LAMA5: variants seen among roughly 807,000 people sequenced by gnomAD.
LAMA5 encodes the protein laminin subunit alpha 5.
LAMA5 carries 260 observed loss-of-function variants against 433.4 expected under a neutral mutation model. The observed-to-expected ratio is 0.60, with a 90% CI of 0.54 to 0.66. The LOEUF (loss-of-function observed/expected upper bound fraction) is 0.66, where lower values mean the gene tolerates loss of function less well. Ranked by LOEUF, LAMA5 falls within the 30% of genes least tolerant of loss-of-function variation. The pLI is 0.00. For synonymous variants in LAMA5, 2,620 were observed against 2,226.6 expected (o/e 1.18, Z -4.97); for missense variants, 5,378 against 5,258.5 (o/e 1.02, Z -0.70).
chr20:62,341,845 A>AAG (rs1982644076), intron 11 of LAMA5, among the ~76,000 whole-genome samples: 1 of 144,870 alleles, frequency 6.9e-6, no homozygotes, highest in African/African-American at 2.5e-5. Flanking sequence ...AAAAAAAAAA[A>AAG]AAGAAGAAGA....
At chr20:62,352,204 C>T in intron 4 of LAMA5, 38 bp downstream of exon 4, 3 of 1,568,928 alleles carry the variant, frequency 1.9e-6, no homozygotes, top group Non-Finnish European at 2.6e-6. Context: ...CCTCTCCGTT[C>T]TCCAGCCCCC....
rs143451158 is a variant in LAMA5, at chr20:62,334,264, G to A, written c.2661C>T (p.His887=). 64 of 1,612,690 alleles carry A rather than the reference G, an allele frequency of 4.0e-5. No homozygotes were observed. The highest frequency in any genetic ancestry group is 3.3e-4 in the African/African-American group (25 of 75,036). The part of the protein sequence containing the change: ...ELEEAATPEG[H]AVRFGFNPLE... Reference sequence around the variant, plus strand: ...GGGGGTTGAAGCCAAAGCGCACGGCGTGACCCTCAGGTGTGGCAGCCTCCT... The same window carrying A: ...GGGGGTTGAAGCCAAAGCGCACGGCATGACCCTCAGGTGTGGCAGCCTCCT... Residue 887 remains histidine (H), a synonymous_variant, in exon 22 of 80, where the codon CAC becomes CAT. Transcript: ENST00000252999.
At position 62,317,670 on chromosome 20, in the gene LAMA5, C is replaced by A; in HGVS notation, c.7348G>T (p.Ala2450Ser). The A allele has an allele frequency of 6.3e-7, 1 of 1,586,114 alleles. No individual in the cohort carries two copies. Among genetic ancestry groups the A allele is most frequent in the Non-Finnish European group, 8.6e-7 (1 of 1,167,206 alleles). Residue 2450 changes from alanine to serine, a missense_variant, in exon 54 of 80, where the codon GCT becomes TCT. Physicochemically the swap from Ala to Ser is moderately conservative, Grantham distance 99 (BLOSUM62 1). Coordinates refer to ENST00000252999, the MANE Select transcript of LAMA5 (RefSeq NM_005560.6). ...CCAGGGGCTGCACTCACCTCCTTAG[C>A]CTGGTCCAGGCTGTGCAGCAATCTG... The part of the protein sequence containing the change: ...VFRLLHSLDQ[A>S]KEELERLAAS...
chr20:62,309,466 G>A lies in LAMA5; in HGVS notation c.10958C>T (p.Ala3653Val). Reference protein sequence around the residue: ...LYLGGLPEPMAVQPWPPAYCG... With the variant: ...LYLGGLPEPMVVQPWPPAYCG... Reference sequence around the variant, plus strand: ...GTAGGCGGGGGGCCAGGGCTGCACGGCCATGGGCTCTGGGGGCACAGGGAA... The same window carrying A: ...GTAGGCGGGGGGCCAGGGCTGCACGACCATGGGCTCTGGGGGCACAGGGAA... Residue 3653 changes from alanine to valine, a missense_variant, in exon 80 of 80, where the codon GCC becomes GTC. Ala to Val is a moderately conservative substitution (Grantham distance 64). Transcript: ENST00000252999. 6.3e-7 allele frequency: 1 copy of A among 1,580,354 alleles called. No homozygotes were observed.
chr20:62,309,359 C>T lies in LAMA5; in HGVS notation c.11065G>A (p.Ala3689Thr). 2 of 1,589,624 alleles carry T rather than the reference C, an allele frequency of 1.3e-6. No homozygotes were observed. Among genetic ancestry groups the T allele is most frequent in the Non-Finnish European group, 1.7e-6 (2 of 1,176,260 alleles). ...TCCTAGGCGGCTGGGCAGCCACTGG[C>T]CCCCACTGCCCCGTGGACCTCCACA... is the stretch of plus-strand genomic sequence containing the variant. ...RSVEVHGAVG[A>T]SGCPAA Residue 3689 changes from alanine to threonine, a missense_variant, in exon 80 of 80, where the codon GCC becomes ACC. Coordinates refer to ENST00000252999, the MANE Select transcript of LAMA5 (RefSeq NM_005560.6).
intron 3 of LAMA5, 119 bp from the exon 4 acceptor site, chr20:62,352,479 C>A (rs1984502784): frequency 2.7e-6 from 2 of 744,824 alleles, no homozygotes; most frequent in Non-Finnish European, 2.2e-6. Flanking sequence ...GGCCAAGAGG[C>A]CGCGTGACAG....
In LAMA5 at chr20:62,346,582, G is replaced by A. The variant is rs1369739502; in HGVS notation, c.1206C>T (p.Gly402=). 12 of 1,592,112 alleles carry A rather than the reference G, an allele frequency of 7.5e-6. No homozygotes were observed. The highest frequency in any genetic ancestry group is 2.7e-5 in the African/African-American group (2 of 74,530). ...CGGGCAGGCAGCGCTCACAGTTGAC[G>A]CCGGTGGTGTGGTGCTGGGAGTGCA... ...VCIDCQHHTT[G]VNCERCLPGF... Residue 402 remains glycine, a synonymous_variant, in exon 9 of 80, where the codon GGC becomes GGT. Transcript: ENST00000252999.
intron 68 of LAMA5, 26 bp downstream of exon 68, chr20:62,312,373 AC>A: frequency 6.3e-7 from 1 of 1,599,852 alleles, no homozygotes; most frequent in African/African-American, 1.3e-5. Context: ...CACAGATGCC[AC>A]CCCCAGCCCG....
At chr20:62,315,329 C>A in intron 58 of LAMA5, 122 bp from the exon 59 acceptor site, 2 of 776,224 alleles carry the variant, frequency 2.6e-6, no homozygotes, top group Non-Finnish European at 4.0e-6. Flanking sequence ...CGTGTGAGAC[C>A]CTCACACCCC....
chr20:62,335,235 T>C lies in LAMA5; in HGVS notation c.2358A>G (p.Gly786=). 6.2e-7 allele frequency: 1 copy of C among 1,612,424 alleles called. No individual in the cohort carries two copies. The highest frequency in any genetic ancestry group is 8.5e-7 in the Non-Finnish European group (1 of 1,179,492). The change falls in exon 19 of 80, where the codon GGA becomes GGG. Residue 786 remains glycine (G), a synonymous_variant. Transcript: ENST00000252999. ...GACTCACCGGCTGGCACTCAGCAAC[T>C]CCACCCAGTGTGCCCCTGAGGTCGC... ...CSCDLRGTLG[G]VAECQPGTGQ...
rs199705177 is a variant in LAMA5 at position 62,329,241 on chromosome 20, C to T, written c.4132G>A (p.Val1378Met). The T allele has an allele frequency of 2.9e-5, 47 of 1,611,864 alleles. No homozygotes were observed. The East Asian group carries it at 6.2e-4, about 21-fold the overall frequency. ...AAGCTGTAGACGTTCTCAGGGACCA[C>T]GAGTACATAATCCTAGGGGGTGAGG... ...GRWLWLDYVL[V>M]VPENVYSFGY... is the part of the protein sequence containing the mutation. The change falls in exon 33 of 80, where the codon GTG becomes ATG. Residue 1378 changes from valine (V) to methionine (M), a missense_variant. By Grantham distance (21) the Val-to-Met change is conservative. Transcript: ENST00000252999.
intron 32 of LAMA5, 123 bp from the exon 33 acceptor site, chr20:62,329,376 C>A: frequency 1.7e-6 from 1 of 576,790 alleles, no homozygotes; most frequent in Non-Finnish European, 2.8e-6. Context: ...CAGCCCAGCC[C>A]AGCCCAGCCC....
At chr20:62,321,696 G>GGA (rs1987812108) in intron 48 of LAMA5, among the ~76,000 whole-genome samples, 1 of 81,434 alleles carries the variant, frequency 1.2e-5, no homozygotes, top group African/African-American at 4.6e-5. Context: ...TGGGGTCAGT[G>GGA]GGGGAGGCAG....
In LAMA5 at chr20:62,309,712, T is replaced by G. The variant is rs747557641; in HGVS notation, c.10948+4A>C. 3.2e-6 allele frequency: 5 copies of G among 1,572,222 alleles called. No homozygotes were observed. The highest frequency in any genetic ancestry group is 1.8e-4 in the Middle Eastern group (1 of 5,510). On this transcript the variant is annotated splice_donor_region_variant and intron_variant, in intron 79 of 79. Transcript: ENST00000252999. ...CCCCCACCCTTGATCAAGGCCGCACTCACCAGGCAGGCCCCCGAGGTACAG... is the reference window on the plus strand; with the variant it reads ...CCCCCACCCTTGATCAAGGCCGCACGCACCAGGCAGGCCCCCGAGGTACAG...
chr20:62,336,688 C>T, intron 17 of LAMA5, 46 bp downstream of exon 17: 1 of 1,606,876 alleles, frequency 6.2e-7, no homozygotes, highest in Non-Finnish European at 8.5e-7. Context: ...TTTAGCTTGG[C>T]CTGGGTCCTC....
chr20:62,352,219 C>T lies in LAMA5; in HGVS notation c.687+23G>A, dbSNP rs202074304. ...CCTCTCCGTTCTCCAGCCCCCGTAC[C>T]GCCCTGCCCCTCCCCGGCCCACCTC... On this transcript the variant is annotated intron_variant, in intron 4 of 79. Transcript: ENST00000252999. 305 of 1,573,084 alleles carry T rather than the reference C, an allele frequency of 1.9e-4. 1 individual carries two copies. In the Admixed American group the frequency reaches 4.6e-3, roughly 24 times the overall value.
rs776661673 is a variant in LAMA5, at chr20:62,314,481, G to C, written c.8368-41C>G. On this transcript the variant is annotated intron_variant, in intron 61 of 79. Coordinates refer to ENST00000252999, the MANE Select transcript of LAMA5 (RefSeq NM_005560.6). ...ACACACAGTCGGGATGGGGACCGGG[G>C]ACCAGGGACCAGGCACCGCTCATTT... is the stretch of plus-strand genomic sequence containing the variant. 5.6e-6 allele frequency: 9 copies of C among 1,611,134 alleles called. No homozygotes were observed. The South Asian group carries it at 7.7e-5, about 14-fold the overall frequency.
chr20:62,332,519 G>A (rs929563373), intron 27 of LAMA5, 38 bp downstream of exon 27: 5 of 1,608,262 alleles, frequency 3.1e-6, no homozygotes, highest in Admixed American at 1.7e-5. Context: ...GGCAGCCCCG[G>A]GCGTGCCCTT....
intron 58 of LAMA5, 98 bp downstream of exon 58, chr20:62,315,850 C>T: frequency 3.2e-6 from 3 of 931,436 alleles, no homozygotes; most frequent in South Asian, 1.6e-5. Flanking sequence ...GTCTCTTCCA[C>T]AGCACAGTGA....
Sources: allele counts gnomAD v4.1 joint callset (sites outside exome capture counted in the v4.1 genomes callset), GRCh38; gene constraint gnomAD v4.1.1; transcripts MANE v1.5; gene names NCBI Gene and HGNC (gene_info 2026-07-23, HGNC 2026-07-21).